IL1RAPL2: variants seen among roughly 807,000 people sequenced by gnomAD.
IL1RAPL2 encodes the protein X-linked interleukin-1 receptor accessory protein-like 2.
In IL1RAPL2, 3 loss-of-function variants were observed where a neutral mutation model predicts 44.1. That is an observed-to-expected ratio of 0.07 (90% confidence interval 0.03 to 0.18). IL1RAPL2 has a LOEUF of 0.18. Ranked by LOEUF, IL1RAPL2 falls within the 10% of genes least tolerant of loss-of-function variation. The probability of loss-of-function intolerance (pLI) is 1.00; values close to 1 mark genes in which losing one functional copy is unlikely to be tolerated. For missense variants in IL1RAPL2, 391 were observed against 496.4 expected (o/e 0.79, Z 2.02); for synonymous variants, 181 against 178.8 (o/e 1.01, Z -0.10).
At chrX:105,561,872 T>C (rs767662371) in intron 6 of IL1RAPL2, among the ~76,000 whole-genome samples, 1 of 111,724 alleles carries the variant, frequency 9.0e-6, no homozygotes, top group African/African-American at 3.2e-5. Flanking sequence ...AAAAGGGAAA[T>C]AGATTTCACA....
chrX:104,582,765 T>G (rs1247539605), intron 1 of IL1RAPL2, among the ~76,000 whole-genome samples: 1 of 100,698 alleles, frequency 9.9e-6, no homozygotes, highest in East Asian at 3.0e-4. Flanking sequence ...TCTTTCTTTC[T>G]TTTTTCTTTC....
At chrX:104,825,834 A>G (rs1287304837) in intron 2 of IL1RAPL2, among the ~76,000 whole-genome samples, 2 of 112,037 alleles carry the variant, frequency 1.8e-5, no homozygotes, top group East Asian at 2.8e-4. Flanking sequence ...TAGGTAGGTC[A>G]TTCTTATGGT....
intron 5 of IL1RAPL2, among the ~76,000 whole-genome samples, chrX:105,313,632 C>T (rs1373056767): frequency 9.0e-6 from 1 of 111,614 alleles, no homozygotes. Context: ...AGGTACCTAC[C>T]AGTAATATTA....
rs564506352 is a variant in IL1RAPL2 at position 104,814,162 on chromosome X, C to T, written c.82+155167C>T. On this transcript the variant is annotated intron_variant, in intron 2 of 10. Transcript: ENST00000372582. ...GCACTGACCCAGGAATGCACCTCTG[C>T]AGACATCTTTATCCTCCTTCACAAA... Among the ~76,000 whole-genome samples, 161 of 111,646 alleles carry T rather than the reference C, an allele frequency of 1.4e-3. 1 individual carries two copies. Among genetic ancestry groups the T allele is most frequent in the African/African-American group, 4.8e-3 (149 of 30,748 alleles).
At chrX:104,986,195 T>C (rs1471978245) in intron 2 of IL1RAPL2, among the ~76,000 whole-genome samples, 11 of 111,980 alleles carry the variant, frequency 9.8e-5, no homozygotes, top group Non-Finnish European at 2.1e-4. Context: ...AAATTCTTAC[T>C]CTGATTTGCT....
intron 1 of IL1RAPL2, among the ~76,000 whole-genome samples, chrX:104,602,888 T>C (rs1188730429): frequency 9.0e-6 from 1 of 111,510 alleles, no homozygotes. Flanking sequence ...AAAGGGGCAG[T>C]TGTGGGCGAA....
At chrX:104,853,811 G>A (rs1172405265) in intron 2 of IL1RAPL2, among the ~76,000 whole-genome samples, 1 of 106,640 alleles carries the variant, frequency 9.4e-6, no homozygotes, top group African/African-American at 3.5e-5. Flanking sequence ...GCTGAGGCAG[G>A]AGAATGGCGT....
At chrX:104,599,862 T>G (rs1338872965) in intron 1 of IL1RAPL2, among the ~76,000 whole-genome samples, 1 of 110,775 alleles carries the variant, frequency 9.0e-6, no homozygotes, top group Non-Finnish European at 1.9e-5. Flanking sequence ...GAGATGTGAG[T>G]TTTTTTTGTG....
chrX:105,540,695 A>G (rs1442295621), intron 6 of IL1RAPL2, among the ~76,000 whole-genome samples: 1 of 101,046 alleles, frequency 9.9e-6, no homozygotes, highest in South Asian at 4.3e-4. Context: ...ATAAATAGGT[A>G]TCTCAAAATA....
intron 7 of IL1RAPL2, among the ~76,000 whole-genome samples, chrX:105,724,761 G>A (rs960333904): frequency 2.2e-4 from 25 of 112,147 alleles, no homozygotes; most frequent in African/African-American, 7.8e-4. Flanking sequence ...GCTCTACCAT[G>A]TTTATTCAGA....
intron 2 of IL1RAPL2, among the ~76,000 whole-genome samples, chrX:104,847,581 T>C (rs924306702): frequency 8.9e-6 from 1 of 111,820 alleles, no homozygotes; most frequent in Non-Finnish European, 1.9e-5. Flanking sequence ...TACCATGCTG[T>C]TTTGGTTACT....
At chrX:104,931,947 A>AGAGTGTGTGT (rs1341589394) in intron 2 of IL1RAPL2, among the ~76,000 whole-genome samples, 1 of 89,014 alleles carries the variant, frequency 1.1e-5, no homozygotes, top group Admixed American at 1.4e-4. Flanking sequence ...GGAAACTATG[A>AGAGTGTGTGT]GTGTGTGTGT....
rs1928041923 is a variant in IL1RAPL2, at chrX:104,566,840, T to G, written c.-231T>G. The G allele has an allele frequency of 8.9e-6, 1 of 112,822 alleles. No homozygotes were observed. The allele number at this position is 112,822 out of a possible 1,213,427, so 9.3% of individuals were successfully genotyped here. On this transcript the variant is annotated 5_prime_UTR_variant, in exon 1 of 11. Transcript: ENST00000372582. ...GGGGGGAAGTTTACTAGTATCCTCTTTGGCTAAGACAGGGAGTGGAAAAAA... is the reference window on the plus strand; with the variant it reads ...GGGGGGAAGTTTACTAGTATCCTCTGTGGCTAAGACAGGGAGTGGAAAAAA...
chrX:105,756,791 G>C (rs771832871), intron 10 of IL1RAPL2, among the ~76,000 whole-genome samples: 4 of 111,015 alleles, frequency 3.6e-5, no homozygotes, highest in Non-Finnish European at 7.6e-5. Flanking sequence ...TTCTACATTT[G>C]TTGTTTCTCC....
intron 2 of IL1RAPL2, among the ~76,000 whole-genome samples, chrX:104,754,419 G>A (rs752646495): frequency 9.0e-6 from 1 of 111,669 alleles, no homozygotes; most frequent in African/African-American, 3.2e-5. Context: ...GTTAGCATTT[G>A]TGCCCATCTC....
chrX:104,810,939 C>T (rs1932971976), intron 2 of IL1RAPL2, among the ~76,000 whole-genome samples: 1 of 111,636 alleles, frequency 9.0e-6, no homozygotes, highest in East Asian at 2.8e-4. Flanking sequence ...TATCTTATAC[C>T]CACCCATTTT....
intron 2 of IL1RAPL2, among the ~76,000 whole-genome samples, chrX:104,821,635 C>T (rs188398154): frequency 8.7e-4 from 98 of 112,020 alleles, no homozygotes; most frequent in African/African-American, 3.0e-3. Flanking sequence ...TTTCTTTATC[C>T]GGTCTATCAT....
chrX:105,507,855 T>TA (rs771783493), intron 6 of IL1RAPL2, among the ~76,000 whole-genome samples: 38 of 112,236 alleles, frequency 3.4e-4, no homozygotes, highest in Non-Finnish European at 6.2e-4. Context: ...TTACCAAAGT[T>TA]AAAAATCATT....
intron 2 of IL1RAPL2, among the ~76,000 whole-genome samples, chrX:104,734,297 G>A (rs1025580896): frequency 8.9e-6 from 1 of 111,829 alleles, no homozygotes; most frequent in African/African-American, 3.2e-5. Flanking sequence ...TGCGCTTTTG[G>A]GCATTTATCC....
Sources: gnomAD v4.1 joint callset for allele counts (sites outside exome capture counted in the v4.1 genomes callset) on GRCh38, gnomAD v4.1.1 for gene constraint, MANE v1.5 for transcripts, NCBI Gene and HGNC (gene_info 2026-07-23, HGNC 2026-07-21) for gene names.